Variants in PITPNB observed in about 807,000 individuals in gnomAD.
PITPNB encodes the protein phosphatidylinositol transfer protein beta isoform.
In PITPNB, 16 loss-of-function variants were observed where a neutral mutation model predicts 45.9. That is an observed-to-expected ratio of 0.35 (90% CI 0.24 to 0.53). The LOEUF is 0.53. Among genes scored for constraint, PITPNB ranks in the 20% least tolerant of loss-of-function variants. The probability of loss-of-function intolerance (pLI) is 0.93; values close to 1 mark genes in which losing one functional copy is unlikely to be tolerated. For synonymous variants in PITPNB, 112 were observed against 108.9 expected (o/e 1.03, Z -0.18); for missense variants, 188 against 330.5 (o/e 0.57, Z 3.34).
At chr22:27,864,122 C>T (rs1934412860) in intron 8 of PITPNB, among the ~76,000 whole-genome samples, 2 of 152,054 alleles carry the variant, frequency 1.3e-5, no homozygotes, top group African/African-American at 4.8e-5. Flanking sequence ...ATAAACATTA[C>T]CAGAAGAAAG....
chr22:27,904,085 C>G (rs552275556), intron 3 of PITPNB, among the ~76,000 whole-genome samples: 5 of 152,240 alleles, frequency 3.3e-5, no homozygotes, highest in African/African-American at 1.2e-4. Flanking sequence ...AAAGGTTAAA[C>G]ACAGAGTGAT....
chr22:27,887,724 G>C (rs891440897), intron 7 of PITPNB, among the ~76,000 whole-genome samples: 1 of 152,126 alleles, frequency 6.6e-6, no homozygotes, highest in African/African-American at 2.4e-5. Flanking sequence ...TTGACTGCTG[G>C]TATGGCAGAT....
intron 3 of PITPNB, among the ~76,000 whole-genome samples, chr22:27,899,834 C>T (rs1429940096): frequency 6.6e-6 from 1 of 152,114 alleles, no homozygotes; most frequent in Non-Finnish European, 1.5e-5. Context: ...ATTTTTTAAG[C>T]CAAGCTACAA....
intron 2 of PITPNB, among the ~76,000 whole-genome samples, chr22:27,911,921 T>C (rs765735380): frequency 1.3e-5 from 2 of 152,186 alleles, no homozygotes; most frequent in Non-Finnish European, 2.9e-5. Flanking sequence ...TCAACTGTAT[T>C]TTCTACGCCA....
intron 8 of PITPNB, among the ~76,000 whole-genome samples, chr22:27,866,614 G>A (rs1228737362): frequency 6.6e-6 from 1 of 152,202 alleles, no homozygotes; most frequent in East Asian, 1.9e-4. Flanking sequence ...TCAGTTTCAT[G>A]AGACTTGTCA....
At chr22:27,894,917 T>C (rs1187159377) in intron 6 of PITPNB, among the ~76,000 whole-genome samples, 1 of 152,218 alleles carries the variant, frequency 6.6e-6, no homozygotes, top group Non-Finnish European at 1.5e-5. Flanking sequence ...AGATGATTTA[T>C]GTAACTAAAT....
intron 7 of PITPNB, among the ~76,000 whole-genome samples, chr22:27,892,340 G>C (rs1216129321): frequency 6.6e-6 from 1 of 152,190 alleles, no homozygotes; most frequent in Non-Finnish European, 1.5e-5. Context: ...CCTGAGGACA[G>C]GAACAAAGAA....
At chr22:27,881,428 G>A (rs961005921) in intron 7 of PITPNB, among the ~76,000 whole-genome samples, 12 of 152,148 alleles carry the variant, frequency 7.9e-5, no homozygotes, top group African/African-American at 2.9e-4. Context: ...ACACACCCTA[G>A]TGATAAGTAA....
chr22:27,918,765 C>A (rs537884494), intron 1 of PITPNB, among the ~76,000 whole-genome samples: 1 of 152,170 alleles, frequency 6.6e-6, no homozygotes, highest in South Asian at 2.1e-4. Flanking sequence ...CCCCGGACGA[C>A]AAATCACAGT....
chr22:27,880,691 C>T (rs1291972781), intron 7 of PITPNB, among the ~76,000 whole-genome samples: 1 of 151,850 alleles, frequency 6.6e-6, no homozygotes, highest in Non-Finnish European at 1.5e-5. Context: ...GGCACGATCT[C>T]GGCTCACTAC....
chr22:27,904,635 T>C (rs977624600), intron 3 of PITPNB, among the ~76,000 whole-genome samples: 1 of 152,200 alleles, frequency 6.6e-6, no homozygotes, highest in Admixed American at 6.5e-5. Context: ...ATAAATTATA[T>C]CTCAATTAAT....
chr22:27,877,768 G>C (rs1934861193), intron 7 of PITPNB, among the ~76,000 whole-genome samples: 1 of 152,240 alleles, frequency 6.6e-6, no homozygotes, highest in Non-Finnish European at 1.5e-5. Flanking sequence ...GGAGGTGGGG[G>C]GCAGGCTGGT....
At chr22:27,871,433 G>A (rs1934655657) in intron 8 of PITPNB, among the ~76,000 whole-genome samples, 1 of 152,182 alleles carries the variant, frequency 6.6e-6, no homozygotes, top group African/African-American at 2.4e-5. Context: ...TTTACTCCCT[G>A]TAAAAGTATT....
intron 1 of PITPNB, among the ~76,000 whole-genome samples, chr22:27,916,513 TA>T (rs957179762): frequency 1.3e-5 from 2 of 152,076 alleles, no homozygotes; most frequent in Non-Finnish European, 2.9e-5. Context: ...TTAATTCTTA[TA>T]AAAAAATAAA....
At position 27,869,920 on chromosome 22, in the gene PITPNB, G is replaced by A. The variant is rs79441295; in HGVS notation, c.534+3818C>T. ...TTAATGGATCTCCCTTAGTGCCTCC[G>A]ACACTTACAGATTCCCTGACCATTG... On this transcript the variant is annotated intron_variant, in intron 8 of 11. Transcript: ENST00000335272. Among the ~76,000 whole-genome samples, 1,065 of 152,184 alleles carry A rather than the reference G, an allele frequency of 7.0e-3. 9 individuals carry two copies. Among genetic ancestry groups the A allele is most frequent in the Non-Finnish European group, 0.011 (719 of 68,000 alleles).
intron 7 of PITPNB, among the ~76,000 whole-genome samples, chr22:27,887,654 C>G (rs11703731): frequency 1.3e-5 from 2 of 151,780 alleles, no homozygotes; most frequent in Admixed American, 6.6e-5. Context: ...TTCATAGTTA[C>G]TAAGCTCTCG....
intron 3 of PITPNB, among the ~76,000 whole-genome samples, chr22:27,903,098 A>G (rs1935648911): frequency 6.6e-6 from 1 of 152,180 alleles, no homozygotes; most frequent in Non-Finnish European, 1.5e-5. Context: ...AAAAATCTGC[A>G]AATCACCTCT....
At chr22:27,896,792 G>A in intron 5 of PITPNB, 166 bp from the exon 6 acceptor site, 2 of 614,346 alleles carry the variant, frequency 3.3e-6, no homozygotes, top group South Asian at 2.0e-5. Context: ...AGACTTGTCA[G>A]GCAAACCAAA....
chr22:27,890,537 G>A (rs752171493), intron 7 of PITPNB, among the ~76,000 whole-genome samples: 1 of 151,784 alleles, frequency 6.6e-6, no homozygotes, highest in South Asian at 2.1e-4. Context: ...GTATGAAGCT[G>A]GGCGCGGTGG....
Sources: gnomAD v4.1 joint callset for allele counts (sites outside exome capture counted in the v4.1 genomes callset) on GRCh38, gnomAD v4.1.1 for gene constraint, MANE v1.5 for transcripts, NCBI Gene and HGNC (gene_info 2026-07-23, HGNC 2026-07-21) for gene names.